ODAD1: variants seen among roughly 807,000 people sequenced by gnomAD.
ODAD1 encodes the protein outer dynein arm docking complex subunit 1.
ODAD1 carries 49 observed loss-of-function variants against 67.2 expected under a neutral mutation model. That is an observed-to-expected ratio of 0.73 (90% CI 0.58 to 0.92). The LOEUF (loss-of-function observed/expected upper bound fraction) is 0.92, where lower values mean the gene tolerates loss of function less well. ODAD1 is among the 40% of genes least tolerant of loss of function. ODAD1 has a pLI of 0.00. For synonymous variants in ODAD1, 345 were observed against 393.7 expected, an observed-to-expected ratio of 0.88 and a Z score of 1.46; for missense variants, 897 against 953.7, an observed-to-expected ratio of 0.94 and a Z score of 0.78.
chr19:48,304,187 T>A, intron 8 of ODAD1, 47 bp from the exon 9 acceptor site: 2 of 1,541,200 alleles, frequency 1.3e-6, no homozygotes. Context: ...TGGACTGGGG[T>A]CGGCCTGGGG....
chr19:48,317,687 T>TC (rs1301170868), intron 5 of ODAD1, among the ~76,000 whole-genome samples: 3 of 152,000 alleles, frequency 2.0e-5, no homozygotes. Flanking sequence ...CCCGATTTTT[T>TC]TTTTTTTTTG....
Position 48,296,805 on chromosome 19 carries a change from A to ACAGGTGAGGCGGTGATGAAGGG in ODAD1, c.*149_*170dup, listed in dbSNP as rs1968293508. On this transcript the variant is annotated 3_prime_UTR_variant, in exon 16 of 16. Transcript: ENST00000674294. ...AGCAGAGAGAAAGGAACCGGGAGACACAGGTGAGGCGGTGATGAAGGGCAG... is the reference window on the plus strand; with the variant it reads ...AGCAGAGAGAAAGGAACCGGGAGACACAGGTGAGGCGGTGATGAAGGGCAGGTGAGGCGGTGATGAAGGGCAG... 1 of 1,423,436 alleles carries ACAGGTGAGGCGGTGATGAAGGG rather than the reference A, an allele frequency of 7.0e-7. No individual in the cohort carries two copies. The highest frequency in any genetic ancestry group is 1.4e-5 in the African/African-American group (1 of 69,346). The allele number at this position is 1,423,436 out of a possible 1,614,324, so 88.2% of individuals were successfully genotyped here. A position where few individuals can be genotyped will look rare whatever the true frequency, so the allele number is the denominator to read the frequency against.
At position 48,306,317 on chromosome 19, in the gene ODAD1, G is replaced by T. The variant is rs1344646918; in HGVS notation, c.604C>A (p.His202Asn). The change falls in exon 8 of 16, where the codon CAC becomes AAC. Residue 202 changes from histidine (H) to asparagine (N), a missense_variant. Physicochemically the swap from His to Asn is moderately conservative, Grantham distance 68. Coordinates refer to ENST00000674294, the MANE Select transcript of ODAD1 (RefSeq NM_001364171.2). ...GTGCTGACCAGGTGATGCAGGTGGT[G>T]GATCTCCTGTGGGGGGAGGAGAAAA... ...NVDRKLKKEI[H>N]HLHHLVSTLI... The T allele has an allele frequency of 6.4e-7, 1 of 1,551,378 alleles. No homozygotes were observed. The highest frequency in any genetic ancestry group is 8.7e-7 in the Non-Finnish European group (1 of 1,146,788).
chr19:48,298,169 T>C lies in ODAD1; in HGVS notation c.1404+8A>G, dbSNP rs8111947. ...GGCCTCCTGTCCCGGCTCCCTGCCG[T>C]CTCCCACCTGGGCATGTAGGAAGGC... On this transcript the variant is annotated splice_region_variant and intron_variant, in intron 13 of 15. Transcript: ENST00000674294. The C allele has an allele frequency of 0.35, 570,992 of 1,610,912 alleles. 104,786 individuals are homozygous for C. The highest frequency in any genetic ancestry group is 0.45 in the African/African-American group (33,220 of 74,584).
chr19:48,297,332 C>A lies in ODAD1; in HGVS notation c.1768G>T (p.Asp590Tyr). ...GTGACGTGGCCAAGAGAGCCACGGT[C>A]TCTGCTAGTCTTGTGGCTCAAAATG... Reference protein sequence around the residue: ...GSILSHKTSRDRGSLGHVTFG... With the variant: ...GSILSHKTSRYRGSLGHVTFG... Residue 590 changes from aspartate (D) to tyrosine (Y), a missense_variant, in exon 16 of 16, where the codon GAC becomes TAC. Transcript: ENST00000674294. 1 of 1,612,822 alleles carries A rather than the reference C, an allele frequency of 6.2e-7. No homozygotes were observed. Among genetic ancestry groups the A allele is most frequent in the South Asian group, 1.1e-5 (1 of 91,078 alleles).
Position 48,312,006 on chromosome 19 carries a change from G to A in ODAD1, c.471C>T (p.Asn157=). The change falls in exon 6 of 16, where the codon AAC becomes AAT. Residue 157 remains asparagine, a synonymous_variant. Transcript: ENST00000674294. ...GTTTGACCCTCACCCTGTCCAACTG[G>A]TTTTCTAGGATCCTGATCCTTCGCC... ...KIRRRIRILE[N]QLDRVTCHFD... is the part of the protein sequence containing the mutation. 1.9e-6 allele frequency: 3 copies of A among 1,551,264 alleles called. No homozygotes were observed. Among genetic ancestry groups the A allele is most frequent in the Non-Finnish European group, 2.6e-6 (3 of 1,146,798 alleles).
chr19:48,301,799 G>A (rs1372517966), intron 12 of ODAD1, among the ~76,000 whole-genome samples: 1 of 151,516 alleles, frequency 6.6e-6, no homozygotes, highest in African/African-American at 2.4e-5. Context: ...ACATGGGACA[G>A]TTGGAGGAAT....
intron 8 of ODAD1, 137 bp from the exon 9 acceptor site, chr19:48,304,277 C>T: frequency 1.2e-6 from 1 of 829,960 alleles, no homozygotes; most frequent in Non-Finnish European, 1.8e-6. Context: ...GCAGGGCCAG[C>T]CTGGGGTCAC....
At chr19:48,297,746 G>A (rs1001173865) in intron 14 of ODAD1, 78 bp from the exon 15 acceptor site, 18 of 1,236,358 alleles carry the variant, frequency 1.5e-5, no homozygotes, top group East Asian at 5.3e-5. Flanking sequence ...GCTAAACCCC[G>A]GGAGCCTCAG....
intron 6 of ODAD1, 150 bp downstream of exon 6, chr19:48,311,844 C>T (rs2147327845): frequency 1.2e-6 from 1 of 819,450 alleles, no homozygotes; most frequent in African/African-American, 1.7e-5. Flanking sequence ...CCATCATTCT[C>T]CTTTCCTTGG....
In ODAD1 at chr19:48,303,068, T is replaced by C. The variant is rs145222993; in HGVS notation, c.1016A>G (p.Asn339Ser). The C allele has an allele frequency of 6.1e-5, 98 of 1,614,044 alleles. No individual in the cohort carries two copies. In the East Asian group the frequency reaches 8.2e-4, roughly 14 times the overall value. ...CTCCAAGTTCTGCTCGTTGATGAAG[T>C]TGAACTCAGCAAAGTTGCGCTCCTC... ...EIEERNFAEFNFINEQNLELE... is the reference protein window; with the variant it reads ...EIEERNFAEFSFINEQNLELE... Residue 339 changes from asparagine to serine, a missense_variant, in exon 11 of 16, where the codon AAC becomes AGC. Physicochemically the swap from Asn to Ser is conservative, Grantham distance 46. Coordinates refer to ENST00000674294, the MANE Select transcript of ODAD1 (RefSeq NM_001364171.2).
chr19:48,308,978 G>A (rs1051858154), intron 7 of ODAD1, among the ~76,000 whole-genome samples: 1 of 152,140 alleles, frequency 6.6e-6, no homozygotes, highest in African/African-American at 2.4e-5. Context: ...GGTGGGGTGG[G>A]AGCTCCCAGA....
At chr19:48,298,868 A>G (rs1968380003) in intron 12 of ODAD1, among the ~76,000 whole-genome samples, 1 of 152,182 alleles carries the variant, frequency 6.6e-6, no homozygotes, top group South Asian at 2.1e-4. Flanking sequence ...CTGTGCCCAC[A>G]TCACCTAGCA....
chr19:48,299,216 C>A (rs564396252), intron 12 of ODAD1, among the ~76,000 whole-genome samples: 2 of 152,238 alleles, frequency 1.3e-5, no homozygotes, highest in South Asian at 4.1e-4. Flanking sequence ...TGAGACCAGC[C>A]TGGCCACCAT....
At chr19:48,298,392 C>T in intron 12 of ODAD1, 52 bp from the exon 13 acceptor site, 1 of 1,585,660 alleles carries the variant, frequency 6.3e-7, no homozygotes, top group Non-Finnish European at 8.6e-7. Context: ...AGCTGGGTGC[C>T]AGCCCTCTCC....
chr19:48,303,486 C>T lies in ODAD1; in HGVS notation c.988+164G>A, dbSNP rs539462294. ...GTGGGGAGGGGCAGAGACAGGGCCA[C>T]GGTAAGACGCCAGTGGACGCGGGCG... On this transcript the variant is annotated intron_variant, in intron 10 of 15. Coordinates refer to ENST00000674294, the MANE Select transcript of ODAD1 (RefSeq NM_001364171.2). 8.3e-5 allele frequency: 65 copies of T among 786,992 alleles called. No individual in the cohort carries two copies. In the African/African-American group the frequency reaches 1.0e-3, roughly 12 times the overall value. 48.8% of individuals were successfully genotyped at this position (786,992 alleles called of 1,614,324 possible). A position where few individuals can be genotyped will look rare whatever the true frequency, so the allele number is the denominator to read the frequency against.
At position 48,304,144 on chromosome 19, in the gene ODAD1, CG is replaced by C. The variant is rs34888501; in HGVS notation, c.666-5del. On this transcript the variant is annotated splice_region_variant and splice_polypyrimidine_tract_variant and intron_variant, in intron 8 of 15. Coordinates refer to ENST00000674294, the MANE Select transcript of ODAD1 (RefSeq NM_001364171.2). The stretch of plus-strand genomic sequence containing the variant: ...CATCTTGGCCTTCGCCTCCTCCCTG[CG>C]GGGGTCAGCCGGGGTCAGGATGACT... 2 of 1,597,070 alleles carry C rather than the reference CG, an allele frequency of 1.3e-6. No homozygotes were observed. Among genetic ancestry groups the C allele is most frequent in the Non-Finnish European group, 8.5e-7 (1 of 1,171,530 alleles).
At chr19:48,312,411 T>C (rs10423140) in intron 5 of ODAD1, among the ~76,000 whole-genome samples, 4 of 77,028 alleles carry the variant, frequency 5.2e-5, no homozygotes, top group Admixed American at 1.2e-4. Context: ...TTTTTTTTTT[T>C]GTTTTTTTTT....
At chr19:48,313,418 C>T (rs896171332) in intron 5 of ODAD1, among the ~76,000 whole-genome samples, 8 of 123,218 alleles carry the variant, frequency 6.5e-5, no homozygotes, top group African/African-American at 1.0e-4. Context: ...CAGAACAAGA[C>T]TCCATCTCAA....
Sources: allele counts gnomAD v4.1 joint callset (sites outside exome capture counted in the v4.1 genomes callset), GRCh38; gene constraint gnomAD v4.1.1; transcripts MANE v1.5; gene names NCBI Gene and HGNC (gene_info 2026-07-23, HGNC 2026-07-21).